The following USH2A variants were observed in gnomAD, a reference collection of about 807,000 sequenced individuals.
USH2A encodes the protein Usher syndrome 2A (autosomal recessive, mild).
USH2A carries 443 observed loss-of-function variants against 538.9 expected under a neutral mutation model. The observed-to-expected ratio is 0.82, with a 90% CI of 0.76 to 0.89. The LOEUF (loss-of-function observed/expected upper bound fraction) is 0.89, where lower values mean the gene tolerates loss of function less well. USH2A is among the 40% of genes least tolerant of loss of function. The probability of loss-of-function intolerance (pLI) is 0.00; values close to 1 mark genes in which losing one functional copy is unlikely to be tolerated. For missense variants in USH2A, 6,633 were observed against 6,324.8 expected (o/e 1.05, Z -1.65); for synonymous variants, 2,413 against 2,273.5 (o/e 1.06, Z -1.75).
At chr1:215,766,601 T>C (rs1661135093) in intron 56 of USH2A, 80 bp downstream of exon 56, 2 of 1,277,560 alleles carry the variant, frequency 1.6e-6, no homozygotes, top group Non-Finnish European at 2.3e-6. Context: ...TCCTTATTTG[T>C]TATGAAGGAG....
chr1:215,945,301 A>G lies in USH2A; in HGVS notation c.7121-10506T>C, dbSNP rs1318812486. Among the ~76,000 whole-genome samples the G allele has an allele frequency of 5.9e-5, 9 of 152,240 alleles. No homozygotes were observed. In the East Asian group the frequency reaches 1.5e-3, roughly 26 times the overall value. On this transcript the variant is annotated intron_variant, in intron 37 of 71. Transcript: ENST00000307340. Reference sequence around the variant, plus strand: ...CCCAGATGGTGGCTTTCCAGCCTGGACAATTATAGAAATGAAAAGACCTAG... The same window carrying G: ...CCCAGATGGTGGCTTTCCAGCCTGGGCAATTATAGAAATGAAAAGACCTAG...
intron 8 of USH2A, among the ~76,000 whole-genome samples, chr1:216,322,647 A>G (rs144310861): frequency 0.011 from 1,641 of 152,004 alleles, 34 homozygotes; most frequent in African/African-American, 0.034. Context: ...TAAAGTTGAC[A>G]ATAAACTGCA....
At chr1:216,373,218 G>A (rs1243070001) in intron 3 of USH2A, among the ~76,000 whole-genome samples, 1 of 152,088 alleles carries the variant, frequency 6.6e-6, no homozygotes, top group Non-Finnish European at 1.5e-5. Context: ...TTTACAATCT[G>A]TAATAGAAAT....
intron 46 of USH2A, among the ~76,000 whole-genome samples, chr1:215,843,219 A>G (rs1663734399): frequency 6.6e-6 from 1 of 152,160 alleles, no homozygotes; most frequent in Non-Finnish European, 1.5e-5. Context: ...GTCATATAAA[A>G]TTTCTGTGCT....
intron 60 of USH2A, among the ~76,000 whole-genome samples, chr1:215,730,470 A>C (rs931948340): frequency 2.6e-5 from 4 of 152,142 alleles, no homozygotes; most frequent in Admixed American, 1.3e-4. Flanking sequence ...CTCTCTCTCT[A>C]GTTGAGAAGA....
intron 52 of USH2A, 30 bp from the exon 53 acceptor site, chr1:215,782,965 T>C: frequency 6.3e-7 from 1 of 1,586,434 alleles, no homozygotes; most frequent in Non-Finnish European, 8.6e-7. Flanking sequence ...ACAGGGAAGT[T>C]TCTCTTATTT....
intron 21 of USH2A, among the ~76,000 whole-genome samples, chr1:216,108,393 A>T (rs2032787868): frequency 7.0e-6 from 1 of 143,572 alleles, no homozygotes; most frequent in African/African-American, 2.6e-5. Flanking sequence ...TAAGGTTTTT[A>T]TTTCCATAAT....
chr1:215,761,531 G>A (rs543150658), intron 56 of USH2A, among the ~76,000 whole-genome samples: 2 of 152,256 alleles, frequency 1.3e-5, no homozygotes, highest in Admixed American at 6.5e-5. Context: ...ATTCGTCAAT[G>A]TATCTCTATG....
intron 55 of USH2A, among the ~76,000 whole-genome samples, chr1:215,770,337 T>C (rs1412391760): frequency 6.6e-6 from 1 of 152,148 alleles, no homozygotes; most frequent in East Asian, 1.9e-4. Flanking sequence ...GTAGAAACCA[T>C]TGCAGCTGCT....
At chr1:216,023,565 T>C (rs777836351) in intron 32 of USH2A, among the ~76,000 whole-genome samples, 35 of 147,706 alleles carry the variant, frequency 2.4e-4, no homozygotes, top group Non-Finnish European at 2.2e-4. Context: ...CTCATTTGAG[T>C]AACAGTATAC....
chr1:215,784,915 CA>C (rs1255426848), intron 52 of USH2A, among the ~76,000 whole-genome samples: 2 of 152,068 alleles, frequency 1.3e-5, no homozygotes, highest in Admixed American at 6.6e-5. Context: ...ATCTTGATTA[CA>C]AGGGGCAGAT....
intron 58 of USH2A, among the ~76,000 whole-genome samples, chr1:215,747,877 TGTTTGTTTGTTTG>T (rs1275537820): frequency 1.5e-5 from 2 of 130,080 alleles, no homozygotes; most frequent in African/African-American, 5.4e-5. Flanking sequence ...TTTTTTTGTT[TGTTTGTTTGTTTG>T]GTTTTTTTTT....
intron 61 of USH2A, among the ~76,000 whole-genome samples, chr1:215,712,038 G>A (rs1399236318): frequency 6.6e-6 from 1 of 152,082 alleles, no homozygotes; most frequent in African/African-American, 2.4e-5. Flanking sequence ...TGTTAAAAAC[G>A]AGACACCAAG....
intron 16 of USH2A, among the ~76,000 whole-genome samples, chr1:216,206,254 C>A (rs1216916492): frequency 6.6e-6 from 1 of 151,996 alleles, no homozygotes; most frequent in African/African-American, 2.4e-5. Flanking sequence ...TGGTATAATT[C>A]TCAGATTATT....
chr1:216,285,237 GC>G (rs551949687), intron 11 of USH2A, among the ~76,000 whole-genome samples: 5 of 152,056 alleles, frequency 3.3e-5, no homozygotes, highest in Non-Finnish European at 5.9e-5. Context: ...TGGGCCCAGG[GC>G]CCCCCCACTG....
At chr1:215,997,766 G>T (rs773171835) in intron 34 of USH2A, among the ~76,000 whole-genome samples, 3 of 152,118 alleles carry the variant, frequency 2.0e-5, no homozygotes, top group Middle Eastern at 6.8e-3. Context: ...CCATTATTTT[G>T]AAAATAGTTT....
At chr1:215,751,154 T>C (rs1279708600) in intron 58 of USH2A, among the ~76,000 whole-genome samples, 2 of 152,170 alleles carry the variant, frequency 1.3e-5, no homozygotes, top group African/African-American at 4.8e-5. Flanking sequence ...AATAATACAC[T>C]GCAGCTGATG....
At chr1:216,238,595 T>C (rs2035874725) in intron 13 of USH2A, among the ~76,000 whole-genome samples, 1 of 152,326 alleles carries the variant, frequency 6.6e-6, no homozygotes, top group South Asian at 2.1e-4. Context: ...AAAACCAATG[T>C]GTCTCTAATG....
chr1:216,421,760 C>T, intron 2 of USH2A, 92 bp downstream of exon 2: 5 of 1,587,660 alleles, frequency 3.1e-6, no homozygotes, highest in Non-Finnish European at 3.5e-6. Flanking sequence ...TCTATATAGC[C>T]TTCACTTCCG....
Sources: gnomAD v4.1 joint callset for allele counts (sites outside exome capture counted in the v4.1 genomes callset) on GRCh38, gnomAD v4.1.1 for gene constraint, MANE v1.5 for transcripts, NCBI Gene and HGNC (gene_info 2026-07-23, HGNC 2026-07-21) for gene names.